CLIC5: variants seen among roughly 807,000 people sequenced by gnomAD.
The protein encoded by CLIC5 is chloride intracellular channel protein 5.
CLIC5 carries 20 observed loss-of-function variants against 24.7 expected under a neutral mutation model. The ratio of observed to expected loss-of-function variants is 0.81; its 90% CI spans 0.57 to 1.18. The LOEUF (loss-of-function observed/expected upper bound fraction) is 1.18, where lower values mean the gene tolerates loss of function less well. Among genes scored for constraint, CLIC5 ranks in the 50% most tolerant of loss-of-function variants. CLIC5 has a pLI of 0.00. For synonymous variants in CLIC5, 159 were observed against 135.6 expected (o/e 1.17, Z -1.20); for missense variants, 341 against 326.1 (o/e 1.05, Z -0.35).
chr6:45,936,366 T>C (rs1763935776), intron 4 of CLIC5, among the ~76,000 whole-genome samples: 1 of 151,782 alleles, frequency 6.6e-6, no homozygotes, highest in Non-Finnish European at 1.5e-5. Context: ...CACCATACCC[T>C]GCTAATTTTT....
At chr6:46,027,435 T>C (rs868270254) in intron 1 of CLIC5, among the ~76,000 whole-genome samples, 3 of 152,162 alleles carry the variant, frequency 2.0e-5, no homozygotes, top group African/African-American at 4.8e-5. Context: ...ATTATATCCC[T>C]ATGGGGTCTA....
intron 1 of CLIC5, among the ~76,000 whole-genome samples, chr6:46,061,075 C>T (rs188631551): frequency 4.9e-4 from 75 of 152,338 alleles, no homozygotes; most frequent in African/African-American, 1.0e-3. Flanking sequence ...AGGCAATAGA[C>T]GAGAGGCTCA....
At chr6:46,022,938 C>T (rs1274063295) in intron 1 of CLIC5, among the ~76,000 whole-genome samples, 1 of 152,164 alleles carries the variant, frequency 6.6e-6, no homozygotes, top group African/African-American at 2.4e-5. Flanking sequence ...GGAGTGGAAG[C>T]TTCTTATGGA....
intron 2 of CLIC5, among the ~76,000 whole-genome samples, chr6:45,952,994 TACAA>T (rs1199402217): frequency 2.0e-5 from 3 of 152,208 alleles, no homozygotes; most frequent in Admixed American, 6.5e-5. Context: ...CTATGGAGGA[TACAA>T]ACAAACTTAA....
chr6:46,061,117 T>C (rs1359271208), intron 1 of CLIC5, among the ~76,000 whole-genome samples: 4 of 152,218 alleles, frequency 2.6e-5, no homozygotes, highest in Admixed American at 2.6e-4. Flanking sequence ...TATTATGGAA[T>C]AAGAACTCAC....
chr6:46,037,536 C>T (rs1767695373), intron 1 of CLIC5, among the ~76,000 whole-genome samples: 2 of 152,132 alleles, frequency 1.3e-5, no homozygotes, highest in South Asian at 4.1e-4. Flanking sequence ...TTTCCTTTTG[C>T]CCCAAGATGA....
At chr6:46,097,575 A>G in the CLIC5 span, among the ~76,000 whole-genome samples, 1 of 152,226 alleles carries the variant, frequency 6.6e-6, no homozygotes, top group Non-Finnish European at 1.5e-5. Context: ...CAGAGGCTTA[A>G]GCCTCCTGAA....
chr6:46,072,657 A>G (rs571525459), intron 1 of CLIC5, among the ~76,000 whole-genome samples: 1 of 152,182 alleles, frequency 6.6e-6, no homozygotes, highest in Non-Finnish European at 1.5e-5. Context: ...TAACTCTCAC[A>G]TGATTATTTG....
chr6:46,018,209 A>G (rs1053751882), upstream of CLIC5, among the ~76,000 whole-genome samples: 40 of 152,168 alleles, frequency 2.6e-4, no homozygotes, highest in African/African-American at 9.2e-4. Context: ...TATGCATAAA[A>G]TGTCTTCGAG....
At chr6:45,956,470 G>C (rs1764645171) in intron 1 of CLIC5, among the ~76,000 whole-genome samples, 2 of 135,440 alleles carry the variant, frequency 1.5e-5, no homozygotes, top group African/African-American at 5.4e-5. Flanking sequence ...GGCTTACTGA[G>C]TTTTTTTTTT....
chr6:46,101,006 C>T, the CLIC5 span, among the ~76,000 whole-genome samples: 4 of 152,178 alleles, frequency 2.6e-5, no homozygotes, highest in Non-Finnish European at 5.9e-5. Context: ...CGACCTCATC[C>T]ACCATGAAAT....
chr6:46,012,947 G>A (rs1766856897), intron 1 of CLIC5, among the ~76,000 whole-genome samples: 1 of 152,174 alleles, frequency 6.6e-6, no homozygotes, highest in Non-Finnish European at 1.5e-5. Context: ...TACTTATTAT[G>A]TCCTAATATG....
intron 1 of CLIC5, among the ~76,000 whole-genome samples, chr6:45,999,762 G>C (rs1444138298): frequency 5.4e-5 from 1 of 18,560 alleles, no homozygotes; most frequent in Non-Finnish European, 8.4e-5. Flanking sequence ...TTTTTGAGAC[G>C]GAGTCTCGCT....
chr6:45,965,917 A>G (rs1232515285), intron 1 of CLIC5, among the ~76,000 whole-genome samples: 2 of 152,226 alleles, frequency 1.3e-5, no homozygotes, highest in Non-Finnish European at 2.9e-5. Flanking sequence ...AAACAAGGAT[A>G]TCTTGATATT....
intron 4 of CLIC5, among the ~76,000 whole-genome samples, chr6:45,927,190 T>C (rs911976223): frequency 6.6e-6 from 1 of 152,090 alleles, no homozygotes; most frequent in Non-Finnish European, 1.5e-5. Flanking sequence ...TAACAAATAT[T>C]GATGGACCAT....
intron 1 of CLIC5, among the ~76,000 whole-genome samples, chr6:46,065,014 AT>A (rs1200414576): frequency 6.6e-6 from 1 of 152,152 alleles, no homozygotes; most frequent in East Asian, 1.9e-4. Flanking sequence ...CTTATAAACT[AT>A]TTGCAAAACA....
chr6:46,021,186 A>G (rs1767173540), intron 1 of CLIC5, among the ~76,000 whole-genome samples: 1 of 152,154 alleles, frequency 6.6e-6, no homozygotes, highest in South Asian at 2.1e-4. Context: ...ACACATGAAA[A>G]TATGCTCAAC....
intron 6 of CLIC5, among the ~76,000 whole-genome samples, chr6:45,885,212 C>G (rs1262848695): frequency 3.3e-5 from 5 of 152,010 alleles, no homozygotes; most frequent in African/African-American, 9.7e-5. Context: ...AGATTAGGAC[C>G]CTTTCAAAAG....
Position 45,997,626 on chromosome 6 carries a change from T to A in CLIC5, c.63+17854A>T, listed in dbSNP as rs543480454. On this transcript the variant is annotated intron_variant, in intron 1 of 5. Coordinates refer to ENST00000339561, the MANE Select transcript of CLIC5 (RefSeq NM_016929.5). ...TGAAGTAGGACGAATATCTACTACATACATCAATAACAAAATCAGTTAAAA... is the reference window on the plus strand; with the variant it reads ...TGAAGTAGGACGAATATCTACTACAAACATCAATAACAAAATCAGTTAAAA... 1.7e-4 allele frequency among the ~76,000 whole-genome samples: 26 copies of A among 152,004 alleles called. 1 individual carries two copies. In the South Asian group the frequency reaches 5.2e-3, roughly 30 times the overall value.
Sources: allele counts gnomAD v4.1 joint callset (sites outside exome capture counted in the v4.1 genomes callset), GRCh38; gene constraint gnomAD v4.1.1; transcripts MANE v1.5; gene names NCBI Gene and HGNC (gene_info 2026-07-23, HGNC 2026-07-21).